MGAT4C: variants seen among roughly 807,000 people sequenced by gnomAD.
MGAT4C encodes the protein MGAT4 family member C.
Under a neutral mutation model 40.1 loss-of-function variants are expected in MGAT4C, and 19 were observed. The observed-to-expected ratio is 0.47, with a 90% confidence interval of 0.33 to 0.70. MGAT4C has a LOEUF of 0.70. MGAT4C is among the 30% of genes least tolerant of loss of function. MGAT4C has a pLI of 0.02. For synonymous variants in MGAT4C, 181 were observed against 187.1 expected, an observed-to-expected ratio of 0.97 and a Z score of 0.27; for missense variants, 491 against 563.2, an observed-to-expected ratio of 0.87 and a Z score of 1.30.
intron 1 of MGAT4C, among the ~76,000 whole-genome samples, chr12:86,766,578 C>T (rs1951513243): frequency 6.7e-6 from 1 of 150,008 alleles, no homozygotes; most frequent in South Asian, 2.1e-4. Flanking sequence ...TTTTTCAGCA[C>T]CACACCACAC....
chr12:86,611,143 G>A (rs1046674748), intron 2 of MGAT4C, among the ~76,000 whole-genome samples: 3 of 152,060 alleles, frequency 2.0e-5, no homozygotes, highest in Admixed American at 6.6e-5. Context: ...AGGGATATCT[G>A]ATGGATACAT....
chr12:86,373,952 A>T (rs575802911), intron 3 of MGAT4C, among the ~76,000 whole-genome samples: 28 of 152,170 alleles, frequency 1.8e-4, no homozygotes, highest in African/African-American at 6.5e-4. Flanking sequence ...TCATTCTTAC[A>T]TTTACCAAAT....
chr12:86,646,324 T>C (rs1034592456), intron 2 of MGAT4C, among the ~76,000 whole-genome samples: 3 of 151,896 alleles, frequency 2.0e-5, no homozygotes, highest in Admixed American at 2.0e-4. Context: ...AAAATTCACC[T>C]AATTTATTCA....
At chr12:86,388,847 A>G (rs1956112900) in intron 3 of MGAT4C, among the ~76,000 whole-genome samples, 1 of 151,378 alleles carries the variant, frequency 6.6e-6, no homozygotes, top group Non-Finnish European at 1.5e-5. Flanking sequence ...ATGCCTGGCT[A>G]ATTTTTTTGT....
intron 1 of MGAT4C, among the ~76,000 whole-genome samples, chr12:86,769,572 T>A (rs910042026): frequency 1.8e-4 from 27 of 152,156 alleles, no homozygotes; most frequent in African/African-American, 5.1e-4. Flanking sequence ...ACACGTATGT[T>A]TATTGCAGCA....
intron 1 of MGAT4C, among the ~76,000 whole-genome samples, chr12:86,201,549 T>A (rs1950050998): frequency 6.7e-6 from 1 of 150,256 alleles, no homozygotes; most frequent in Admixed American, 6.7e-5. Flanking sequence ...TATGTAGTTA[T>A]ATATTAAATA....
intron 3 of MGAT4C, among the ~76,000 whole-genome samples, chr12:86,343,255 C>G (rs955424799): frequency 6.6e-6 from 1 of 152,138 alleles, no homozygotes; most frequent in Admixed American, 6.5e-5. Context: ...GACACTGACC[C>G]AGTAACTTCA....
At chr12:86,749,767 C>A (rs1172666193) in intron 1 of MGAT4C, among the ~76,000 whole-genome samples, 1 of 151,642 alleles carries the variant, frequency 6.6e-6, no homozygotes, top group Non-Finnish European at 1.5e-5. Flanking sequence ...ATGACTTCTA[C>A]CTTTTTGAGG....
At chr12:86,100,985 T>C (rs748032780) in intron 1 of MGAT4C, among the ~76,000 whole-genome samples, 1 of 151,750 alleles carries the variant, frequency 6.6e-6, no homozygotes, top group Admixed American at 6.6e-5. Flanking sequence ...TTCACATTGA[T>C]AAAGCGATAA....
chr12:86,284,724 AT>A (rs1953307139), intron 4 of MGAT4C, among the ~76,000 whole-genome samples: 1 of 151,960 alleles, frequency 6.6e-6, no homozygotes, highest in South Asian at 2.1e-4. Context: ...CCTAGTTTAT[AT>A]TTAAAACTTC....
At chr12:86,738,204 T>G (rs1431787793) in intron 1 of MGAT4C, among the ~76,000 whole-genome samples, 1 of 151,528 alleles carries the variant, frequency 6.6e-6, no homozygotes, top group Non-Finnish European at 1.5e-5. Flanking sequence ...CTGAAGGTCT[T>G]TGATCTGGTT....
chr12:86,079,978 C>CT (rs1565952464), intron 1 of MGAT4C, among the ~76,000 whole-genome samples: 1 of 151,646 alleles, frequency 6.6e-6, no homozygotes, highest in Non-Finnish European at 1.5e-5. Context: ...TTCCATTTTT[C>CT]TTTTTTTCTT....
At chr12:86,203,367 A>G (rs1950122411) in intron 1 of MGAT4C, among the ~76,000 whole-genome samples, 1 of 152,146 alleles carries the variant, frequency 6.6e-6, no homozygotes. Context: ...TTCCAGTCGG[A>G]TCTGAGCTGA....
chr12:86,026,386 T>G (rs2136885889), intron 2 of MGAT4C, among the ~76,000 whole-genome samples: 1 of 151,684 alleles, frequency 6.6e-6, no homozygotes, highest in Non-Finnish European at 1.5e-5. Flanking sequence ...TATTTAAAAA[T>G]AACACATACG....
chr12:85,957,657 CAAAAAAAA>C lies in MGAT4C; in HGVS notation c.*21624_*21631del, dbSNP rs5799763. On this transcript the variant is annotated 3_prime_UTR_variant, in exon 5 of 5. Coordinates refer to ENST00000611864, the MANE Select transcript of MGAT4C (RefSeq NM_001351288.2). ...TTTACTGTAGAGTTGAATAAGAAAG[CAAAAAAAA>C]AAAAAAAAGAAAAAAGAAAAAAAAA... The C allele has an allele frequency of 9.9e-6, 1 of 101,306 alleles. No individual in the cohort carries two copies. The highest frequency in any genetic ancestry group is 1.9e-5 in the Non-Finnish European group (1 of 52,742). The allele number at this position is 101,306 out of a possible 1,614,324, so 6.3% of individuals were successfully genotyped here. A position where few individuals can be genotyped will look rare whatever the true frequency, so the allele number is the denominator to read the frequency against.
chr12:86,471,470 C>G (rs1224390800), intron 2 of MGAT4C, among the ~76,000 whole-genome samples: 2 of 151,508 alleles, frequency 1.3e-5, no homozygotes, highest in African/African-American at 4.8e-5. Flanking sequence ...GGAAAAAATA[C>G]AAAAATATAA....
At chr12:86,031,296 T>A (rs1396595189) in intron 2 of MGAT4C, among the ~76,000 whole-genome samples, 1 of 151,706 alleles carries the variant, frequency 6.6e-6, no homozygotes, top group Non-Finnish European at 1.5e-5. Flanking sequence ...ATAAACCAAG[T>A]GAAACGATGG....
At chr12:86,308,871 T>A (rs562893256) in intron 4 of MGAT4C, among the ~76,000 whole-genome samples, 1 of 150,714 alleles carries the variant, frequency 6.6e-6, no homozygotes, top group South Asian at 2.1e-4. Context: ...ATAGATTTTT[T>A]AAAAAAGAAG....
chr12:86,768,588 G>A lies in MGAT4C; in HGVS notation c.-261-41347C>T, dbSNP rs1043268494. 8.6e-5 allele frequency among the ~76,000 whole-genome samples: 13 copies of A among 151,642 alleles called. No homozygotes were observed. In the East Asian group the frequency reaches 1.4e-3, roughly 16 times the overall value. On this transcript the variant is annotated intron_variant, in intron 1 of 7. Transcript: ENST00000548651. Reference sequence around the variant, plus strand: ...AATCCTAAGCCAAAAGAACAAAGCTGGAGGCATCACGCTACCTGACTTCAA... The same window carrying A: ...AATCCTAAGCCAAAAGAACAAAGCTAGAGGCATCACGCTACCTGACTTCAA...
Sources: allele counts gnomAD v4.1 joint callset (sites outside exome capture counted in the v4.1 genomes callset), GRCh38; gene constraint gnomAD v4.1.1; transcripts MANE v1.5; gene names NCBI Gene and HGNC (gene_info 2026-07-23, HGNC 2026-07-21).